SYNE1: variants seen among roughly 807,000 people sequenced by gnomAD.
The protein encoded by SYNE1 is nesprin-1.
SYNE1 carries 616 observed loss-of-function variants against 1,111.0 expected under a neutral mutation model. The ratio of observed to expected loss-of-function variants is 0.55; its 90% CI spans 0.52 to 0.59. SYNE1 has a LOEUF of 0.59. Among genes scored for constraint, SYNE1 ranks in the 20% least tolerant of loss-of-function variants. The pLI, the probability that SYNE1 is intolerant of heterozygous loss-of-function variation, is 0.00. For synonymous variants in SYNE1, 3,855 were observed against 3,825.8 expected, an observed-to-expected ratio of 1.01 and a Z score of -0.28; for missense variants, 10,006 against 10,417.0, an observed-to-expected ratio of 0.96 and a Z score of 1.72.
intron 137 of SYNE1, chr6:152,144,481 AGT>A (rs58614483): frequency 0.44 from 49,037 of 112,016 alleles, 8,262 homozygotes; most frequent in East Asian, 0.49. Flanking sequence ...AATTACTGAG[AGT>A]GTGTGTGTGT....
At chr6:152,509,048 C>A (rs2099071897) in intron 8 of SYNE1, among the ~76,000 whole-genome samples, 1 of 151,892 alleles carries the variant, frequency 6.6e-6, no homozygotes, top group African/African-American at 2.4e-5. Flanking sequence ...ATTTAGATTA[C>A]ATTTAAGCAT....
chr6:152,439,941 C>A (rs916869578), intron 32 of SYNE1, among the ~76,000 whole-genome samples: 1 of 152,104 alleles, frequency 6.6e-6, no homozygotes, highest in Non-Finnish European at 1.5e-5. Context: ...GTTTGATGCC[C>A]CATTGGAGTC....
Position 152,367,238 on chromosome 6 carries a change from T to C in SYNE1, c.9952A>G (p.Ser3318Gly). ...CACACCTCGAGCTTGAGCGTCCTGC[T>C]GTCCAGCACACTTTTGTCGGATGTC... ...HPTSDKSVLD[S>G]RTLKLEALLS... Residue 3318 changes from serine to glycine, a missense_variant, in exon 62 of 146, where the codon AGC (serine) becomes GGC (glycine). Coordinates refer to ENST00000367255, the MANE Select transcript of SYNE1 (RefSeq NM_182961.4). 1 of 1,614,240 alleles carries C rather than the reference T, an allele frequency of 6.2e-7. No individual in the cohort carries two copies. The highest frequency in any genetic ancestry group is 8.5e-7 in the Non-Finnish European group (1 of 1,180,030).
Position 152,523,082 on chromosome 6 carries a change from T to G in SYNE1, c.226-2540A>C, listed in dbSNP as rs1042563954. 2.0e-5 allele frequency among the ~76,000 whole-genome samples: 3 copies of G among 152,130 alleles called. No individual in the cohort carries two copies. The East Asian group carries it at 5.8e-4, about 29-fold the overall frequency. ...TTAGGTCCATTTATCTATTTCTATT[T>G]TAGTTGCATTTGCTCTTAGGGTCTT... is the stretch of plus-strand genomic sequence containing the variant. On this transcript the variant is annotated intron_variant, in intron 5 of 145. Transcript: ENST00000367255.
At chr6:152,545,266 T>C (rs186752149) in intron 3 of SYNE1, among the ~76,000 whole-genome samples, 2 of 152,306 alleles carry the variant, frequency 1.3e-5, no homozygotes, top group Admixed American at 1.3e-4. Flanking sequence ...CTGTAATTAA[T>C]ATCACATTTA....
chr6:152,384,292 A>C (rs892401825), intron 55 of SYNE1, among the ~76,000 whole-genome samples: 8 of 152,102 alleles, frequency 5.3e-5, no homozygotes, highest in African/African-American at 1.9e-4. Context: ...CTCTCATTAC[A>C]TTTTTTGTAT....
At position 152,499,236 on chromosome 6, in the gene SYNE1, G is replaced by A. The variant is rs185079348; in HGVS notation, c.889-444C>T. 2.2e-3 allele frequency among the ~76,000 whole-genome samples: 330 copies of A among 152,008 alleles called. 1 individual carries two copies. Among genetic ancestry groups the A allele is most frequent in the African/African-American group, 7.7e-3 (319 of 41,506 alleles). On this transcript the variant is annotated intron_variant, in intron 10 of 145. Transcript: ENST00000367255. ...TGTTGCAATGGAAGAACAGATGGGTGAAAAAATAAATGAAAGTTTAGAAGG... is the reference window on the plus strand; with the variant it reads ...TGTTGCAATGGAAGAACAGATGGGTAAAAAAATAAATGAAAGTTTAGAAGG...
intron 57 of SYNE1, 73 bp from the exon 58 acceptor site, chr6:152,376,631 C>T: frequency 6.3e-7 from 1 of 1,587,092 alleles, no homozygotes; most frequent in Non-Finnish European, 8.6e-7. Flanking sequence ...TTGATAGAAT[C>T]ACCAGTTCTT....
At chr6:152,388,888 G>A (rs2097563442) in intron 53 of SYNE1, among the ~76,000 whole-genome samples, 1 of 152,158 alleles carries the variant, frequency 6.6e-6, no homozygotes, top group African/African-American at 2.4e-5. Context: ...GAAGTTTTAG[G>A]AAACTGGCCT....
intron 4 of SYNE1, among the ~76,000 whole-genome samples, chr6:152,526,480 G>C (rs2099164242): frequency 6.6e-6 from 1 of 152,162 alleles, no homozygotes; most frequent in Non-Finnish European, 1.5e-5. Flanking sequence ...TGGGATAAGG[G>C]AAGGAAAAGA....
chr6:152,594,508 T>G (rs1346040201), intron 3 of SYNE1, among the ~76,000 whole-genome samples: 1 of 152,270 alleles, frequency 6.6e-6, no homozygotes, highest in Non-Finnish European at 1.5e-5. Context: ...ATTCTAAACT[T>G]AATATCCAAT....
At chr6:152,245,034 C>G (rs1190987097) in intron 105 of SYNE1, among the ~76,000 whole-genome samples, 1 of 152,222 alleles carries the variant, frequency 6.6e-6, no homozygotes, top group Non-Finnish European at 1.5e-5. Context: ...GGACCATGTT[C>G]TGCTGTCCTT....
intron 91 of SYNE1, among the ~76,000 whole-genome samples, chr6:152,305,275 T>C (rs1189439243): frequency 6.6e-6 from 1 of 152,158 alleles, no homozygotes; most frequent in East Asian, 1.9e-4. Context: ...ATTATTATTA[T>C]TATTTTTTGA....
At chr6:152,282,089 T>A in intron 96 of SYNE1, 109 bp from the exon 97 acceptor site, 2 of 1,149,380 alleles carry the variant, frequency 1.7e-6, no homozygotes, top group Non-Finnish European at 2.5e-6. Context: ...GAATCACTGG[T>A]AAAACTTTTA....
At chr6:152,314,437 GC>G (rs912720309) in intron 87 of SYNE1, among the ~76,000 whole-genome samples, 2 of 152,154 alleles carry the variant, frequency 1.3e-5, no homozygotes, top group Non-Finnish European at 2.9e-5. Context: ...TTCCTGAGAA[GC>G]CTTTCTGCAC....
At chr6:152,461,519 G>T in intron 21 of SYNE1, 78 bp downstream of exon 21, 15 of 1,569,042 alleles carry the variant, frequency 9.6e-6, no homozygotes, top group Admixed American at 1.7e-5. Context: ...CTTTGCCCAT[G>T]GGGAGAAGGA....
chr6:152,123,679 A>G (rs896266594), intron 145 of SYNE1, among the ~76,000 whole-genome samples: 1 of 152,268 alleles, frequency 6.6e-6, no homozygotes, highest in Non-Finnish European at 1.5e-5. Flanking sequence ...ACTCAGACCC[A>G]TACAACATTG....
chr6:152,151,325 C>T (rs1017576215), intron 135 of SYNE1, among the ~76,000 whole-genome samples: 1 of 151,872 alleles, frequency 6.6e-6, no homozygotes, highest in Non-Finnish European at 1.5e-5. Flanking sequence ...ACAACAATAT[C>T]GATATCAAAT....
chr6:152,589,052 C>A (rs1029196646), intron 3 of SYNE1, among the ~76,000 whole-genome samples: 5 of 151,906 alleles, frequency 3.3e-5, no homozygotes, highest in African/African-American at 1.2e-4. Context: ...CTGGTTCAAG[C>A]AACCCCACCA....
Sources: gnomAD v4.1 joint callset for allele counts (sites outside exome capture counted in the v4.1 genomes callset) on GRCh38, gnomAD v4.1.1 for gene constraint, MANE v1.5 for transcripts, NCBI Gene and HGNC (gene_info 2026-07-23, HGNC 2026-07-21) for gene names.